DKK3: variants seen among roughly 807,000 people sequenced by gnomAD.
DKK3 encodes the protein dickkopf Wnt signaling pathway inhibitor 3, also known as dickkopf-related protein 3.
In DKK3, 22 loss-of-function variants were observed where a neutral mutation model predicts 33.2. The observed-to-expected ratio is 0.66, with a 90% CI of 0.47 to 0.95. DKK3 has a LOEUF of 0.95. Ranked by LOEUF, DKK3 falls within the 40% of genes least tolerant of loss-of-function variation. The pLI, the probability that DKK3 is intolerant of heterozygous loss-of-function variation, is 0.00. For synonymous variants in DKK3, 194 were observed against 188.8 expected (o/e 1.03, Z -0.23); for missense variants, 398 against 458.4 (o/e 0.87, Z 1.20).
intron 3 of DKK3, among the ~76,000 whole-genome samples, chr11:11,996,252 G>A (rs1399603605): frequency 2.0e-5 from 3 of 152,170 alleles, no homozygotes; most frequent in Admixed American, 2.0e-4. Flanking sequence ...TGAGACAGTG[G>A]TGACAAAGCA....
At position 11,964,481 on chromosome 11, in the gene DKK3, C is replaced by T. The variant is rs746641167; in HGVS notation, c.1036G>A (p.Gly346Arg). 7.4e-6 allele frequency: 12 copies of T among 1,612,616 alleles called. No individual in the cohort carries two copies. The highest frequency in any genetic ancestry group is 3.3e-5 in the South Asian group (3 of 91,084). ...GTCCAGATCTAAATCTCTTCCCCTC[C>T]CAGCAGTGCAGCGGCGGCAGCCGCA... ...EPAAAAAALL[G>R]GEEI Residue 346 changes from glycine to arginine, a missense_variant, in exon 7 of 7, where the codon GGA (glycine) becomes AGA (arginine). Gly to Arg is a moderately radical substitution (Grantham distance 125, BLOSUM62 -2). Coordinates refer to ENST00000683431, the MANE Select transcript of DKK3 (RefSeq NM_001018057.2).
At chr11:11,965,768 C>A (rs755035718) in intron 6 of DKK3, 41 bp downstream of exon 6, 1 of 1,602,480 alleles carries the variant, frequency 6.2e-7, no homozygotes, top group East Asian at 2.2e-5. Context: ...GGCACCTCCT[C>A]AGCCCTTGGC....
intron 3 of DKK3, among the ~76,000 whole-genome samples, chr11:11,995,541 C>A (rs11607837): frequency 0.072 from 10,953 of 152,260 alleles, 719 homozygotes; most frequent in Admixed American, 0.21. Flanking sequence ...CATGCTAAGC[C>A]TTGTAGCTGC....
At chr11:11,985,348 C>A (rs1848048407) in intron 3 of DKK3, among the ~76,000 whole-genome samples, 1 of 152,234 alleles carries the variant, frequency 6.6e-6, no homozygotes, top group African/African-American at 2.4e-5. Context: ...GCTCCCCAAG[C>A]TCTCTTCCTC....
intron 3 of DKK3, among the ~76,000 whole-genome samples, chr11:11,990,908 A>G (rs1379335985): frequency 6.6e-6 from 1 of 152,212 alleles, no homozygotes; most frequent in Non-Finnish European, 1.5e-5. Context: ...CTAAGATTCT[A>G]TTCTACTTGC....
At chr11:11,965,533 C>T (rs1415168365) in intron 6 of DKK3, among the ~76,000 whole-genome samples, 1 of 152,160 alleles carries the variant, frequency 6.6e-6, no homozygotes, top group Admixed American at 6.5e-5. Flanking sequence ...AGGCTTTTCT[C>T]CCTCCATGTC....
intron 3 of DKK3, among the ~76,000 whole-genome samples, chr11:11,989,709 G>A (rs56225193): frequency 0.088 from 13,389 of 152,146 alleles, 639 homozygotes; most frequent in Middle Eastern, 0.15. Context: ...TTGTTAAGAT[G>A]ATATTTTATA....
Position 11,964,479 on chromosome 11 carries a change from T to C in DKK3, c.1038A>G (p.Gly346=), listed in dbSNP as rs374044808. The change falls in exon 7 of 7, where the codon GGA becomes GGG. Residue 346 remains glycine (G), a synonymous_variant. Coordinates refer to ENST00000683431, the MANE Select transcript of DKK3 (RefSeq NM_001018057.2). ...EPAAAAAALL[G]GEEI ...TGGTCCAGATCTAAATCTCTTCCCC[T>C]CCCAGCAGTGCAGCGGCGGCAGCCG... is the stretch of plus-strand genomic sequence containing the variant. 8.1e-5 allele frequency: 131 copies of C among 1,612,388 alleles called. No homozygotes were observed. The highest frequency in any genetic ancestry group is 7.6e-4 in the South Asian group (69 of 91,080).
chr11:11,978,046 T>C (rs911640377), intron 3 of DKK3, among the ~76,000 whole-genome samples: 2 of 152,214 alleles, frequency 1.3e-5, no homozygotes, highest in Non-Finnish European at 2.9e-5. Context: ...AATTATTACA[T>C]GGGACACACT....
At chr11:11,968,538 G>T in intron 3 of DKK3, 51 bp from the exon 4 acceptor site, 1 of 1,548,202 alleles carries the variant, frequency 6.5e-7, no homozygotes, top group Non-Finnish European at 8.8e-7. Flanking sequence ...AGAGCAGCAG[G>T]CCCACAGTGC....
chr11:11,969,125 C>T (rs978949955), intron 3 of DKK3, among the ~76,000 whole-genome samples: 1 of 152,130 alleles, frequency 6.6e-6, no homozygotes, highest in Non-Finnish European at 1.5e-5. Context: ...GCTGGAGAAA[C>T]AGGGAGAGAA....
intron 2 of DKK3, among the ~76,000 whole-genome samples, 172 bp from the exon 3 acceptor site, chr11:11,998,951 C>G (rs1320067055): frequency 6.6e-6 from 1 of 152,158 alleles, no homozygotes; most frequent in Non-Finnish European, 1.5e-5. Flanking sequence ...AGATGGACGG[C>G]TTCCCCTGGG....
Position 11,967,050 on chromosome 11 carries a change from C to T in DKK3, c.577G>A (p.Gly193Ser). 1 of 1,613,888 alleles carries T rather than the reference C, an allele frequency of 6.2e-7. No homozygotes were observed. The highest frequency in any genetic ancestry group is 8.5e-7 in the Non-Finnish European group (1 of 1,179,996). The change falls in exon 5 of 7, where the codon GGT becomes AGT. Residue 193 changes from glycine to serine, a missense_variant. By Grantham distance (56) the Gly-to-Ser change is moderately conservative. Coordinates refer to ENST00000683431, the MANE Select transcript of DKK3 (RefSeq NM_001018057.2). ...ECCGDQLCVWGHCTKMATRGS... is the reference protein window; with the variant it reads ...ECCGDQLCVWSHCTKMATRGS... ...CTGGTGGCCATTTTGGTGCAGTGACCCCAGACACACAGCTGGTCTCCACAG... is the reference window on the plus strand; with the variant it reads ...CTGGTGGCCATTTTGGTGCAGTGACTCCAGACACACAGCTGGTCTCCACAG...
intron 3 of DKK3, among the ~76,000 whole-genome samples, chr11:11,974,296 C>T (rs1032281474): frequency 6.6e-6 from 1 of 152,230 alleles, no homozygotes; most frequent in African/African-American, 2.4e-5. Flanking sequence ...GTATAGTATG[C>T]CTCTCGGATC....
intron 3 of DKK3, among the ~76,000 whole-genome samples, chr11:11,979,344 C>T (rs1564912548): frequency 1.3e-5 from 2 of 152,226 alleles, no homozygotes; most frequent in East Asian, 1.9e-4. Context: ...GGACCTACAG[C>T]GTCTGGATGC....
At chr11:11,992,095 T>G (rs925453426) in intron 3 of DKK3, among the ~76,000 whole-genome samples, 2 of 152,202 alleles carry the variant, frequency 1.3e-5, no homozygotes, top group African/African-American at 2.4e-5. Flanking sequence ...ATGAATGAAT[T>G]AATACTGATA....
At position 11,964,352 on chromosome 11, in the gene DKK3, T is replaced by C. The variant is rs1847527246; in HGVS notation, c.*112A>G. Reference sequence around the variant, plus strand: ...CATGCTGTCAAGCCAGAGGGGAAACTTACTGGGAAGAAGATGTAGGAAGAA... The same window carrying C: ...CATGCTGTCAAGCCAGAGGGGAAACCTACTGGGAAGAAGATGTAGGAAGAA... On this transcript the variant is annotated 3_prime_UTR_variant, in exon 7 of 7. Transcript: ENST00000683431. The C allele has an allele frequency of 4.3e-6, 6 of 1,379,870 alleles. No individual in the cohort carries two copies. The highest frequency in any genetic ancestry group is 4.9e-6 in the Non-Finnish European group (5 of 1,018,692). 85.5% of individuals were successfully genotyped at this position (1,379,870 alleles called of 1,614,324 possible).
intron 3 of DKK3, among the ~76,000 whole-genome samples, chr11:11,987,826 T>A (rs1053151256): frequency 3.9e-5 from 6 of 152,224 alleles, no homozygotes; most frequent in African/African-American, 1.4e-4. Context: ...GCCTTCTCAG[T>A]TACTCTTTCA....
intron 4 of DKK3, among the ~76,000 whole-genome samples, chr11:11,968,094 G>A (rs1210318647): frequency 1.3e-5 from 2 of 152,174 alleles, no homozygotes; most frequent in African/African-American, 4.8e-5. Context: ...TGGGATTACA[G>A]GTGTAGCCAC....
Sources: allele counts gnomAD v4.1 joint callset (sites outside exome capture counted in the v4.1 genomes callset), GRCh38; gene constraint gnomAD v4.1.1; transcripts MANE v1.5; gene names NCBI Gene and HGNC (gene_info 2026-07-23, HGNC 2026-07-21).